The following TACC2 variants were observed in gnomAD, a reference collection of about 807,000 sequenced individuals.
TACC2 encodes transforming acidic coiled-coil-containing protein 2.
TACC2 carries 137 observed loss-of-function variants against 227.3 expected under a neutral mutation model. That is an observed-to-expected ratio of 0.60 (90% CI 0.52 to 0.69). The LOEUF is 0.69. TACC2 is among the 30% of genes least tolerant of loss of function. The probability of loss-of-function intolerance (pLI) is 0.00; values close to 1 mark genes in which losing one functional copy is unlikely to be tolerated. For synonymous variants in TACC2, 1,523 were observed against 1,487.5 expected, an observed-to-expected ratio of 1.02 and a Z score of -0.55; for missense variants, 3,470 against 3,694.4, an observed-to-expected ratio of 0.94 and a Z score of 1.57.
intron 7 of TACC2, among the ~76,000 whole-genome samples, chr10:122,185,464 G>A (rs2094153339): frequency 2.6e-5 from 4 of 152,162 alleles, no homozygotes; most frequent in Admixed American, 1.3e-4. Flanking sequence ...CCAAAGTCCT[G>A]GGATTGCAGG....
intron 16 of TACC2, among the ~76,000 whole-genome samples, chr10:122,231,069 T>G (rs1449393616): frequency 5.9e-5 from 9 of 152,214 alleles, no homozygotes; most frequent in Admixed American, 5.9e-4. Flanking sequence ...TTGTTTGTTT[T>G]TTTACAAAAA....
chr10:122,187,654 C>A (rs2094253788), intron 7 of TACC2, among the ~76,000 whole-genome samples: 1 of 152,028 alleles, frequency 6.6e-6, no homozygotes, highest in Non-Finnish European at 1.5e-5. Flanking sequence ...CCACGCCCAG[C>A]TAATTTTTGT....
Position 122,227,820 on chromosome 10 carries a change from C to T in TACC2, c.7725-17C>T. The T allele has an allele frequency of 6.3e-7, 1 of 1,599,708 alleles. No individual in the cohort carries two copies. Among genetic ancestry groups the T allele is most frequent in the Non-Finnish European group, 8.5e-7 (1 of 1,171,350 alleles). ...CCAATGAGAAGACTAAAGAAAGATGCCCTTTGCTTCCCCCAGGTCAAGTTT... is the reference window on the plus strand; with the variant it reads ...CCAATGAGAAGACTAAAGAAAGATGTCCTTTGCTTCCCCCAGGTCAAGTTT... On this transcript the variant is annotated splice_polypyrimidine_tract_variant and intron_variant, in intron 13 of 22. Transcript: ENST00000369005.
intron 5 of TACC2, among the ~76,000 whole-genome samples, chr10:122,126,419 C>A (rs747659420): frequency 4.6e-5 from 7 of 150,912 alleles, no homozygotes; most frequent in Non-Finnish European, 1.0e-4. Context: ...TTTGACGCGA[C>A]TCCCCCAGCT....
intron 22 of TACC2, among the ~76,000 whole-genome samples, chr10:122,250,509 G>T (rs191528223): frequency 2.9e-3 from 447 of 152,262 alleles, no homozygotes; most frequent in African/African-American, 0.01. Context: ...CTCTACTACC[G>T]CAGGAGCACC....
intron 7 of TACC2, among the ~76,000 whole-genome samples, chr10:122,170,798 T>C (rs952440710): frequency 1.4e-4 from 21 of 152,192 alleles, no homozygotes; most frequent in African/African-American, 4.6e-4. Context: ...TTCACCAGGA[T>C]CTGGTCGCCT....
intron 1 of TACC2, among the ~76,000 whole-genome samples, chr10:121,998,681 C>T (rs954767216): frequency 6.6e-6 from 1 of 152,198 alleles, no homozygotes; most frequent in Non-Finnish European, 1.5e-5. Context: ...AGTCAGGGAA[C>T]AGCCTCAGGA....
chr10:122,013,782 C>T (rs1235865178), intron 1 of TACC2, among the ~76,000 whole-genome samples: 2 of 152,118 alleles, frequency 1.3e-5, no homozygotes, highest in East Asian at 3.9e-4. Context: ...GCCTGTAGGG[C>T]CCTGGTCGAG....
At chr10:122,034,335 A>G (rs1310118704) in intron 2 of TACC2, among the ~76,000 whole-genome samples, 2 of 152,076 alleles carry the variant, frequency 1.3e-5, no homozygotes, top group East Asian at 1.9e-4. Context: ...GCTTCTCTTC[A>G]TTATTCCATG....
intron 18 of TACC2, among the ~76,000 whole-genome samples, chr10:122,240,360 C>T (rs1238768564): frequency 3.3e-5 from 5 of 152,148 alleles, no homozygotes; most frequent in Non-Finnish European, 7.4e-5. Flanking sequence ...GGAAAGAACC[C>T]TCGGAGGCTC....
chr10:122,065,204 T>C (rs757875195), intron 3 of TACC2, among the ~76,000 whole-genome samples: 3 of 152,226 alleles, frequency 2.0e-5, no homozygotes, highest in Non-Finnish European at 4.4e-5. Context: ...CCAGTGTCTC[T>C]GTAGTTTCTT....
Position 122,227,873 on chromosome 10 carries a change from T to C in TACC2, c.7761T>C (p.Thr2587=). 6.2e-7 allele frequency: 1 copy of C among 1,614,212 alleles called. No homozygotes were observed. The highest frequency in any genetic ancestry group is 2.2e-5 in the East Asian group (1 of 44,884). ...AAGAGACTGAAGCCCTTGTGAACACTGCTGCGAAAAACCAGCATCCTGTCC... is the reference window on the plus strand; with the variant it reads ...AAGAGACTGAAGCCCTTGTGAACACCGCTGCGAAAAACCAGCATCCTGTCC... The part of the protein sequence containing the change: ...SFEETEALVN[T]AAKNQHPVPR... The change falls in exon 14 of 23, where the codon ACT becomes ACC. Residue 2587 remains threonine (T), a synonymous_variant. Transcript: ENST00000369005.
intron 2 of TACC2, among the ~76,000 whole-genome samples, chr10:122,025,849 C>T (rs1323227199): frequency 6.6e-6 from 1 of 151,288 alleles, no homozygotes; most frequent in Non-Finnish European, 1.5e-5. Flanking sequence ...GCTGGGATTA[C>T]AGGCGTAAGC....
intron 7 of TACC2, among the ~76,000 whole-genome samples, chr10:122,155,917 A>G (rs1332699615): frequency 7.0e-6 from 1 of 142,684 alleles, no homozygotes; most frequent in Non-Finnish European, 1.5e-5. Flanking sequence ...GGCTCACTGC[A>G]ATCTCCGCCT....
chr10:122,204,117 A>G (rs1341514389), intron 8 of TACC2, among the ~76,000 whole-genome samples: 1 of 141,224 alleles, frequency 7.1e-6, no homozygotes, highest in Non-Finnish European at 1.5e-5. Context: ...AGTACAGTCC[A>G]GCTTCGGCTC....
At chr10:122,079,447 T>G (rs910046586) in intron 3 of TACC2, among the ~76,000 whole-genome samples, 3 of 152,212 alleles carry the variant, frequency 2.0e-5, no homozygotes, top group Admixed American at 2.0e-4. Context: ...TTTTTTGGCC[T>G]ACTCAGCTCT....
At chr10:122,252,558 T>C (rs373592823) in intron 22 of TACC2, among the ~76,000 whole-genome samples, 37 of 151,664 alleles carry the variant, frequency 2.4e-4, no homozygotes, top group African/African-American at 7.8e-4. Flanking sequence ...TGGCGCAATC[T>C]CGGCTCATTG....
rs527511669 is a variant in TACC2 at position 122,253,930 on chromosome 10, T to C, written c.8782-61T>C. 8.8e-5 allele frequency: 128 copies of C among 1,456,702 alleles called. 2 individuals are homozygous for C. In the South Asian group the frequency reaches 1.4e-3, roughly 16 times the overall value. The allele number at this position is 1,456,702 out of a possible 1,614,324, so 90.2% of individuals were successfully genotyped here. A position where few individuals can be genotyped will look rare whatever the true frequency, so the allele number is the denominator to read the frequency against. ...TCCCCCATCTCCCCAAAAAGCCCCA[T>C]GAGCATTCTGACTGGCCAGATTTCA... is the stretch of plus-strand genomic sequence containing the variant. On this transcript the variant is annotated intron_variant, in intron 22 of 22. Transcript: ENST00000369005.
chr10:122,031,153 G>A (rs1391072462), intron 2 of TACC2, among the ~76,000 whole-genome samples: 2 of 152,042 alleles, frequency 1.3e-5, no homozygotes, highest in Admixed American at 6.6e-5. Context: ...GCCCATCTTC[G>A]GTGACCATAA....
Sources: allele counts gnomAD v4.1 joint callset (sites outside exome capture counted in the v4.1 genomes callset), GRCh38; gene constraint gnomAD v4.1.1; transcripts MANE v1.5; gene names NCBI Gene and HGNC (gene_info 2026-07-23, HGNC 2026-07-21).